TGFB2: variants seen among roughly 807,000 people sequenced by gnomAD.
TGFB2 encodes transforming growth factor beta-2 proprotein.
TGFB2 carries 13 observed loss-of-function variants against 42.7 expected under a neutral mutation model. That is an observed-to-expected ratio of 0.30 (90% CI 0.20 to 0.48). The LOEUF (loss-of-function observed/expected upper bound fraction) is 0.48, where lower values mean the gene tolerates loss of function less well. TGFB2 is among the 20% of genes least tolerant of loss of function. The pLI is 0.99. For synonymous variants in TGFB2, 193 were observed against 193.6 expected (o/e 1.00, Z 0.03); for missense variants, 390 against 517.5 (o/e 0.75, Z 2.39).
chr1:218,352,856 G>A (rs1656912221), intron 1 of TGFB2, among the ~76,000 whole-genome samples: 1 of 152,212 alleles, frequency 6.6e-6, no homozygotes. Context: ...TACTGAGTTT[G>A]TGGGAGACAG....
chr1:218,377,945 C>T (rs1351571472), intron 1 of TGFB2, among the ~76,000 whole-genome samples: 2 of 151,432 alleles, frequency 1.3e-5, no homozygotes, highest in African/African-American at 4.9e-5. Context: ...TAATTCATTA[C>T]ATATATTATA....
chr1:218,387,429 G>A (rs1026760387), intron 1 of TGFB2, among the ~76,000 whole-genome samples: 1 of 152,136 alleles, frequency 6.6e-6, no homozygotes, highest in African/African-American at 2.4e-5. Flanking sequence ...GGCTTGCTTG[G>A]TACCATGCTG....
At chr1:218,377,177 T>A (rs192858974) in intron 1 of TGFB2, among the ~76,000 whole-genome samples, 6 of 152,194 alleles carry the variant, frequency 3.9e-5, no homozygotes, top group Non-Finnish European at 8.8e-5. Context: ...TGAGCCACTG[T>A]GCCCAGCTGA....
rs903644007 is a variant in TGFB2 at position 218,443,932 on chromosome 1, T to C, written c.*2570T>C. ...TGTATTTTGATGACCAATTACGCTG[T>C]ATTTTAACACGATGTATGTCTGTTT... On this transcript the variant is annotated 3_prime_UTR_variant, in exon 7 of 7. Transcript: ENST00000366930. 2 of 152,202 alleles carry C rather than the reference T, an allele frequency of 1.3e-5. No individual in the cohort carries two copies. The highest frequency in any genetic ancestry group is 4.8e-5 in the African/African-American group (2 of 41,448). 9.4% of individuals were successfully genotyped at this position (152,202 alleles called of 1,614,324 possible).
intron 1 of TGFB2, among the ~76,000 whole-genome samples, chr1:218,393,580 A>G (rs1202011582): frequency 6.6e-6 from 1 of 152,158 alleles, no homozygotes; most frequent in Non-Finnish European, 1.5e-5. Context: ...AAAGATGACT[A>G]TTTTGCTCCC....
At chr1:218,347,113 C>G in intron 1 of TGFB2, 66 bp downstream of exon 1, 1 of 1,447,056 alleles carries the variant, frequency 6.9e-7, no homozygotes, top group Non-Finnish European at 9.3e-7. Flanking sequence ...AAAACCGCAG[C>G]AGCTCCCGGG....
At chr1:218,427,368 G>C (rs1041580217) in intron 2 of TGFB2, among the ~76,000 whole-genome samples, 5 of 151,502 alleles carry the variant, frequency 3.3e-5, no homozygotes, top group African/African-American at 1.2e-4. Flanking sequence ...AAGTTCTAGG[G>C]TACATGTGCA....
At chr1:218,349,788 T>G (rs1375801400) in intron 1 of TGFB2, among the ~76,000 whole-genome samples, 1 of 152,230 alleles carries the variant, frequency 6.6e-6, no homozygotes, top group African/African-American at 2.4e-5. Context: ...TCTTAAATAT[T>G]ATCCTTGGCC....
chr1:218,399,459 AG>A (rs1658640678), intron 1 of TGFB2, among the ~76,000 whole-genome samples: 1 of 152,256 alleles, frequency 6.6e-6, no homozygotes, highest in Admixed American at 6.5e-5. Context: ...ATCCAAGCCT[AG>A]TTAATAGTAT....
chr1:218,410,721 G>C (rs1326693282), intron 2 of TGFB2, among the ~76,000 whole-genome samples: 1 of 152,198 alleles, frequency 6.6e-6, no homozygotes, highest in Non-Finnish European at 1.5e-5. Flanking sequence ...GATATGTTCA[G>C]ACAAAACTCC....
At chr1:218,418,145 G>GA (rs1022198300) in intron 2 of TGFB2, among the ~76,000 whole-genome samples, 4 of 152,166 alleles carry the variant, frequency 2.6e-5, no homozygotes, top group Non-Finnish European at 5.9e-5. Flanking sequence ...CGTATGCCTG[G>GA]AAAAATCACA....
At chr1:218,381,308 T>C (rs1048056376) in intron 1 of TGFB2, among the ~76,000 whole-genome samples, 2 of 151,612 alleles carry the variant, frequency 1.3e-5, no homozygotes, top group Admixed American at 6.6e-5. Context: ...CAGGCTGGAT[T>C]GAAGTGGCAC....
rs746290825 is a variant in TGFB2 at position 218,372,512 on chromosome 1, A to G, written c.346+25465A>G. Reference sequence around the variant, plus strand: ...CAGGAGACCAGGAAGGTAACTCCCTATGGAACTGTGGCCACTGGGACTTCA... The same window carrying G: ...CAGGAGACCAGGAAGGTAACTCCCTGTGGAACTGTGGCCACTGGGACTTCA... On this transcript the variant is annotated intron_variant, in intron 1 of 6. Transcript: ENST00000366930. 3.9e-5 allele frequency among the ~76,000 whole-genome samples: 6 copies of G among 152,192 alleles called. No homozygotes were observed. In the East Asian group the frequency reaches 5.8e-4, roughly 15 times the overall value.
At chr1:218,407,793 AC>A (rs1658962824) in intron 2 of TGFB2, among the ~76,000 whole-genome samples, 2 of 152,236 alleles carry the variant, frequency 1.3e-5, no homozygotes, top group South Asian at 4.1e-4. Context: ...CTCACCACAT[AC>A]TATGCTATTC....
intron 2 of TGFB2, among the ~76,000 whole-genome samples, chr1:218,427,038 C>A (rs1571894576): frequency 6.6e-6 from 1 of 152,096 alleles, no homozygotes; most frequent in African/African-American, 2.4e-5. Context: ...ATTCTTCTAA[C>A]TTTTTATCGT....
At chr1:218,409,251 T>A in intron 2 of TGFB2, among the ~76,000 whole-genome samples, 1 of 152,242 alleles carries the variant, frequency 6.6e-6, no homozygotes, top group Non-Finnish European at 1.5e-5. Context: ...TGGGGACTTC[T>A]GCTTTAGACT....
intron 1 of TGFB2, among the ~76,000 whole-genome samples, chr1:218,395,836 G>C (rs550331533): frequency 6.6e-6 from 1 of 151,952 alleles, no homozygotes; most frequent in African/African-American, 2.4e-5. Context: ...GGATGGTCTC[G>C]ATCTCCTGAC....
chr1:218,410,829 A>T (rs1185758973), intron 2 of TGFB2, among the ~76,000 whole-genome samples: 1 of 152,230 alleles, frequency 6.6e-6, no homozygotes, highest in Non-Finnish European at 1.5e-5. Context: ...TTTCCCCTGT[A>T]TGTATGATTA....
chr1:218,393,206 C>T (rs11118098), intron 1 of TGFB2, among the ~76,000 whole-genome samples: 5,635 of 152,150 alleles, frequency 0.037, 335 homozygotes, highest in African/African-American at 0.13. Flanking sequence ...GGAATGTTGG[C>T]GTTTATTTGT....
Sources: allele counts gnomAD v4.1 joint callset (sites outside exome capture counted in the v4.1 genomes callset), GRCh38; gene constraint gnomAD v4.1.1; transcripts MANE v1.5; gene names NCBI Gene and HGNC (gene_info 2026-07-23, HGNC 2026-07-21).